The following BEND7 variants were observed in gnomAD, a reference collection of about 807,000 sequenced individuals.
BEND7 encodes the protein BEN domain containing 7.
In BEND7, 28 loss-of-function variants were observed where a neutral mutation model predicts 50.9. The ratio of observed to expected loss-of-function variants is 0.55; its 90% CI spans 0.41 to 0.75. BEND7 has a LOEUF of 0.75. Among genes scored for constraint, BEND7 ranks in the 30% least tolerant of loss-of-function variants. The pLI is 0.00. For missense variants in BEND7, 477 were observed against 491.3 expected, an observed-to-expected ratio of 0.97 and a Z score of 0.28; for synonymous variants, 170 against 183.9, an observed-to-expected ratio of 0.92 and a Z score of 0.61.
chr10:13,466,368 T>C (rs1173961879), intron 6 of BEND7, among the ~76,000 whole-genome samples: 2 of 152,212 alleles, frequency 1.3e-5, no homozygotes, highest in African/African-American at 2.4e-5. Flanking sequence ...GAGACCAGCC[T>C]GGCCAACATG....
intron 5 of BEND7, among the ~76,000 whole-genome samples, chr10:13,485,290 A>C (rs2076143847): frequency 6.6e-6 from 1 of 152,254 alleles, no homozygotes; most frequent in Non-Finnish European, 1.5e-5. Context: ...AAGATACATA[A>C]AAAGCTACAT....
At chr10:13,499,155 C>T (rs892629584) in intron 3 of BEND7, among the ~76,000 whole-genome samples, 2 of 152,060 alleles carry the variant, frequency 1.3e-5, no homozygotes, top group African/African-American at 4.8e-5. Flanking sequence ...GGTTTTTCTC[C>T]TTAAGCTTTG....
In BEND7 at chr10:13,441,464, A is replaced by AAAAAAC; in HGVS notation, c.*278_*279insGTTTTT. On this transcript the variant is annotated 3_prime_UTR_variant, in exon 9 of 9. Coordinates refer to ENST00000466271, the MANE Select transcript of BEND7 (RefSeq NM_001369863.1). The stretch of plus-strand genomic sequence containing the variant: ...TTCATCGCACACATCTTTGGGTTGA[A>AAAAAAC]CAAGCTCCACCCGTCCTCAAGTGCT... 1 of 1,288,910 alleles carries AAAAAAC rather than the reference A, an allele frequency of 7.8e-7. No homozygotes were observed. The highest frequency in any genetic ancestry group is 9.8e-7 in the Non-Finnish European group (1 of 1,019,038). 79.8% of individuals were successfully genotyped at this position (1,288,910 alleles called of 1,614,324 possible).
At chr10:13,463,736 G>A (rs530342074) in intron 6 of BEND7, among the ~76,000 whole-genome samples, 1 of 152,212 alleles carries the variant, frequency 6.6e-6, no homozygotes, top group Non-Finnish European at 1.5e-5. Context: ...CCATCTGCCT[G>A]TCAAATCTCA....
intron 6 of BEND7, among the ~76,000 whole-genome samples, chr10:13,467,565 T>G (rs1359871251): frequency 6.6e-6 from 1 of 152,190 alleles, no homozygotes; most frequent in Non-Finnish European, 1.5e-5. Context: ...TTATTTTAGA[T>G]TACCTTAATG....
chr10:13,496,935 A>AG, intron 3 of BEND7, 47 bp from the exon 4 acceptor site: 1 of 1,500,072 alleles, frequency 6.7e-7, no homozygotes, highest in Non-Finnish European at 8.8e-7. Context: ...AACCAAAAAA[A>AG]AAAAAAAAAA....
At chr10:13,447,132 A>G (rs1295414093) in intron 8 of BEND7, 134 bp downstream of exon 8, 5 of 850,618 alleles carry the variant, frequency 5.9e-6, no homozygotes, top group Non-Finnish European at 9.8e-6. Context: ...AGCTCCAATG[A>G]CGGGGCCTGG....
rs2077330175 is a variant in BEND7, at chr10:13,500,078, C to T, written c.148G>A (p.Asp50Asn). The change falls in exon 3 of 9, where the codon GAT becomes AAT. Residue 50 changes from aspartate to asparagine, a missense_variant and splice_region_variant. Physicochemically the swap from Asp to Asn is conservative, Grantham distance 23. Coordinates refer to ENST00000466271, the MANE Select transcript of BEND7 (RefSeq NM_001369863.1). ...TGCTTTTTTATTTCCATGCTTTCAT[C>T]TCCTAATGGAAACAGGGCCAAAGTT... ...AKETQPIFLG[D>N]ESMEIKKQIT... The T allele has an allele frequency of 6.3e-7, 1 of 1,585,640 alleles. No individual in the cohort carries two copies. Among genetic ancestry groups the T allele is most frequent in the Non-Finnish European group, 8.6e-7 (1 of 1,160,452 alleles).
At chr10:13,501,741 G>A (rs2077483245) in intron 2 of BEND7, among the ~76,000 whole-genome samples, 1 of 152,012 alleles carries the variant, frequency 6.6e-6, no homozygotes, top group South Asian at 2.1e-4. Flanking sequence ...CAGCTACTTG[G>A]AGGCTGAGGT....
chr10:13,499,726 G>T, intron 3 of BEND7, 52 bp downstream of exon 3: 2 of 1,106,934 alleles, frequency 1.8e-6, no homozygotes, highest in South Asian at 3.5e-5. Context: ...TTTAGAAATA[G>T]AACAGTACAA....
At chr10:13,525,861 G>A (rs548598273) in intron 2 of BEND7, among the ~76,000 whole-genome samples, 49 of 152,190 alleles carry the variant, frequency 3.2e-4, no homozygotes, top group Non-Finnish European at 6.2e-4. Context: ...TGGGGTGAGC[G>A]CAGAGCCACA....
chr10:13,476,943 A>C lies in BEND7; in HGVS notation c.1063+3956T>G, dbSNP rs575502621. Among the ~76,000 whole-genome samples the C allele has an allele frequency of 3.9e-5, 6 of 152,370 alleles. No homozygotes were observed. In the East Asian group the frequency reaches 1.2e-3, roughly 29 times the overall value. On this transcript the variant is annotated intron_variant, in intron 6 of 8. Transcript: ENST00000466271. ...ATCAATATATTTTAAATAAATTATC[A>C]TTAAGTGTTAGTCACCATAAGACAG...
intron 2 of BEND7, among the ~76,000 whole-genome samples, chr10:13,514,587 AG>A (rs34438023): frequency 0.3 from 45,503 of 152,024 alleles, 7,368 homozygotes; most frequent in Non-Finnish European, 0.37. Flanking sequence ...AAACCAGGGA[AG>A]TTGGGTCGGA....
intron 7 of BEND7, among the ~76,000 whole-genome samples, chr10:13,450,383 A>G (rs1837402916): frequency 6.6e-6 from 1 of 152,242 alleles, no homozygotes; most frequent in African/African-American, 2.4e-5. Flanking sequence ...AGGTAATATT[A>G]TTGATCCAGA....
chr10:13,443,500 A>G (rs1835666756), intron 8 of BEND7: 1 of 152,666 alleles, frequency 6.6e-6, no homozygotes, highest in African/African-American at 2.4e-5. Flanking sequence ...CGTTCTGGAC[A>G]AGTAAACAAT....
At chr10:13,494,327 G>A (rs1225890341) in intron 4 of BEND7, among the ~76,000 whole-genome samples, 1 of 152,200 alleles carries the variant, frequency 6.6e-6, no homozygotes, top group Non-Finnish European at 1.5e-5. Context: ...TGAGGCAGGA[G>A]AATCACTTGA....
chr10:13,442,138 G>C lies in BEND7; in HGVS notation c.1235-388C>G, dbSNP rs532547883. On this transcript the variant is annotated intron_variant, in intron 8 of 8. Transcript: ENST00000466271. The stretch of plus-strand genomic sequence containing the variant: ...TTCTAGGCAGGGCCCCAGCCACGGA[G>C]GGGTTAACGGGCTCTGGGCAACCGC... 15 of 192,898 alleles carry C rather than the reference G, an allele frequency of 7.8e-5. No homozygotes were observed. The East Asian group carries it at 9.5e-4, about 12-fold the overall frequency. The allele number at this position is 192,898 out of a possible 1,614,324, so 11.9% of individuals were successfully genotyped here.
At chr10:13,521,995 A>T (rs1294774419) in intron 2 of BEND7, among the ~76,000 whole-genome samples, 2 of 152,250 alleles carry the variant, frequency 1.3e-5, no homozygotes, top group Non-Finnish European at 2.9e-5. Context: ...TCAGAGTTTC[A>T]GAGATGTCGA....
At chr10:13,517,050 A>G (rs2078733171) in intron 2 of BEND7, among the ~76,000 whole-genome samples, 2 of 147,122 alleles carry the variant, frequency 1.4e-5, no homozygotes, top group Non-Finnish European at 3.0e-5. Flanking sequence ...TTGCCCTATT[A>G]GGGTTTTCTG....
Sources: allele counts gnomAD v4.1 joint callset (sites outside exome capture counted in the v4.1 genomes callset), GRCh38; gene constraint gnomAD v4.1.1; transcripts MANE v1.5; gene names NCBI Gene and HGNC (gene_info 2026-07-23, HGNC 2026-07-21).